The following ERI3 variants were observed in gnomAD, a reference collection of about 807,000 sequenced individuals.
ERI3 encodes ERI1 exoribonuclease 3.
In ERI3, 18 loss-of-function variants were observed where a neutral mutation model predicts 44.4. The ratio of observed to expected loss-of-function variants is 0.41; its 90% CI spans 0.28 to 0.60. ERI3 has a LOEUF of 0.60. Ranked by LOEUF, ERI3 falls within the 20% of genes least tolerant of loss-of-function variation. ERI3 has a pLI of 0.36. For synonymous variants in ERI3, 183 were observed against 164.8 expected, an observed-to-expected ratio of 1.11 and a Z score of -0.84; for missense variants, 294 against 435.5, an observed-to-expected ratio of 0.68 and a Z score of 2.89.
chr1:44,310,963 G>GCGCGCGCGCGCACA (rs1373873768), intron 5 of ERI3, among the ~76,000 whole-genome samples: 6 of 123,200 alleles, frequency 4.9e-5, no homozygotes, highest in East Asian at 2.6e-4. Flanking sequence ...GCGCGCGCGC[G>GCGCGCGCGCGCACA]CACACACACA....
chr1:44,228,797 T>G lies in ERI3; in HGVS notation c.932-7157A>C, dbSNP rs1644108376. ...CATAGCATCAAACCCCTTATGTCGC[T>G]TGCAGTGCATTTGGCCACCAGGAAC... is the stretch of plus-strand genomic sequence containing the variant. On this transcript the variant is annotated intron_variant, in intron 8 of 8. Coordinates refer to ENST00000372257, the MANE Select transcript of ERI3 (RefSeq NM_024066.3). The surrounding 1 kb of genome is among the most constrained non-coding windows in gnomAD (Gnocchi z 4.3). Among the ~76,000 whole-genome samples, 1 of 152,174 alleles carries G rather than the reference T, an allele frequency of 6.6e-6. No homozygotes were observed. The highest frequency in any genetic ancestry group is 2.4e-5 in the African/African-American group (1 of 41,442).
At chr1:44,280,781 C>G (rs75585679) in intron 7 of ERI3, among the ~76,000 whole-genome samples, 77 of 152,328 alleles carry the variant, frequency 5.1e-4, no homozygotes, top group Non-Finnish European at 1.0e-3. Flanking sequence ...TTAACAGCTT[C>G]CTCTTACCCT....
intron 5 of ERI3, among the ~76,000 whole-genome samples, chr1:44,310,215 C>T (rs1281214505): frequency 6.6e-6 from 1 of 152,132 alleles, no homozygotes; most frequent in Non-Finnish European, 1.5e-5. Flanking sequence ...GCTAGCCCTA[C>T]CTTTCACAGG....
At chr1:44,227,690 A>C (rs1169918265) in intron 8 of ERI3, among the ~76,000 whole-genome samples, 1 of 152,136 alleles carries the variant, frequency 6.6e-6, no homozygotes, top group East Asian at 1.9e-4. Context: ...TTTAGCATCA[A>C]ATGTTAGCTT....
At chr1:44,244,648 C>A (rs1644515633) in intron 8 of ERI3, among the ~76,000 whole-genome samples, 1 of 152,084 alleles carries the variant, frequency 6.6e-6, no homozygotes, top group African/African-American at 2.4e-5. Context: ...CTTCAGCCTC[C>A]TTGTCTGCAG....
At chr1:44,336,855 A>G (rs561049664) in intron 3 of ERI3, among the ~76,000 whole-genome samples, 2 of 152,332 alleles carry the variant, frequency 1.3e-5, no homozygotes, top group South Asian at 2.1e-4. Flanking sequence ...ATCAGGGTTC[A>G]TTGATTCTGG....
rs200389542 is a variant in ERI3 at position 44,259,920 on chromosome 1, T to TAGACAGAC, written c.832-11890_832-11883dup. Among the ~76,000 whole-genome samples the TAGACAGAC allele has an allele frequency of 9.3e-3, 1,206 of 129,676 alleles. 16 individuals carry two copies. The highest frequency in any genetic ancestry group is 0.023 in the African/African-American group (783 of 34,424). 85.1% of individuals were successfully genotyped at this position (129,676 alleles called of 152,430 possible). A position where few individuals can be genotyped will look rare whatever the true frequency, so the allele number is the denominator to read the frequency against. ...ATAGATAGATAGATAGATAGATAGA[T>TAGACAGAC]AGACAGACAGACAGACAGACAGACA... On this transcript the variant is annotated intron_variant, in intron 7 of 8. Coordinates refer to ENST00000372257, the MANE Select transcript of ERI3 (RefSeq NM_024066.3).
chr1:44,274,398 A>G (rs1357637895), intron 7 of ERI3, among the ~76,000 whole-genome samples: 1 of 152,216 alleles, frequency 6.6e-6, no homozygotes, highest in Non-Finnish European at 1.5e-5. Flanking sequence ...AAAGGACATA[A>G]TATTTTTTCC....
intron 3 of ERI3, among the ~76,000 whole-genome samples, chr1:44,332,118 G>T (rs1376430958): frequency 1.3e-5 from 2 of 152,178 alleles, no homozygotes; most frequent in Non-Finnish European, 2.9e-5. Flanking sequence ...TTGCCTCTAA[G>T]GTGGTTATAA....
intron 3 of ERI3, among the ~76,000 whole-genome samples, chr1:44,329,662 C>A (rs1452797007): frequency 6.6e-6 from 1 of 152,182 alleles, no homozygotes; most frequent in East Asian, 1.9e-4. Context: ...ACCTAACCAT[C>A]ACTACCTACC....
chr1:44,236,720 G>A (rs1300370260), intron 8 of ERI3, among the ~76,000 whole-genome samples: 1 of 152,106 alleles, frequency 6.6e-6, no homozygotes. Flanking sequence ...GAGGACAGAG[G>A]CTGTGAGTCT....
intron 7 of ERI3, among the ~76,000 whole-genome samples, chr1:44,254,278 A>G (rs984816877): frequency 6.6e-6 from 1 of 152,072 alleles, no homozygotes; most frequent in Non-Finnish European, 1.5e-5. Context: ...GAGCCTTGTT[A>G]TCACCCAGAA....
Position 44,308,577 on chromosome 1 carries a change from T to C in ERI3, c.667-176A>G, listed in dbSNP as rs990740072. On this transcript the variant is annotated intron_variant, in intron 5 of 8. Transcript: ENST00000372257. ...GCTTGGCTCAGAACCACGGAGGCAT[T>C]TGGAAGACAAACCCTTAGGAAGATC... Among the ~76,000 whole-genome samples the C allele has an allele frequency of 3.9e-5, 6 of 152,234 alleles. No homozygotes were observed. The South Asian group carries it at 8.3e-4, about 21-fold the overall frequency.
At chr1:44,226,816 AACTAT>A (rs1557764569) in intron 8 of ERI3, among the ~76,000 whole-genome samples, 20 of 87,404 alleles carry the variant, frequency 2.3e-4, no homozygotes, top group Non-Finnish European at 3.6e-4. Flanking sequence ...CACACACACA[AACTAT>A]CCTATGTTTT....
chr1:44,276,222 G>T (rs1013411280), intron 7 of ERI3, among the ~76,000 whole-genome samples: 2 of 152,178 alleles, frequency 1.3e-5, no homozygotes, highest in African/African-American at 4.8e-5. Context: ...GAACATTAGG[G>T]ATCAAATTTC....
chr1:44,268,327 T>G (rs1250733469), intron 7 of ERI3, among the ~76,000 whole-genome samples: 1 of 152,048 alleles, frequency 6.6e-6, no homozygotes, highest in Non-Finnish European at 1.5e-5. Flanking sequence ...AGCACAGGAC[T>G]CTTGCTACCT....
chr1:44,335,567 C>A (rs1324389145), intron 3 of ERI3, among the ~76,000 whole-genome samples: 1 of 151,898 alleles, frequency 6.6e-6, no homozygotes, highest in African/African-American at 2.4e-5. Flanking sequence ...CAAGACCAGC[C>A]TGACCAACAT....
chr1:44,269,220 G>T (rs60413302), intron 7 of ERI3, among the ~76,000 whole-genome samples: 1 of 152,146 alleles, frequency 6.6e-6, no homozygotes, highest in Non-Finnish European at 1.5e-5. Context: ...AAGAGGCCAA[G>T]AGACCACAAG....
At chr1:44,309,573 C>T (rs1645910059) in intron 5 of ERI3, among the ~76,000 whole-genome samples, 1 of 151,960 alleles carries the variant, frequency 6.6e-6, no homozygotes, top group African/African-American at 2.4e-5. Flanking sequence ...GAGGGAGTCA[C>T]ACCACTGCTT....
Sources: gnomAD v4.1 joint callset for allele counts (sites outside exome capture counted in the v4.1 genomes callset) on GRCh38, gnomAD v4.1.1 for gene constraint, Gnocchi (gnomAD v3.1) non-coding constraint, MANE v1.5 for transcripts, NCBI Gene and HGNC (gene_info 2026-07-23, HGNC 2026-07-21) for gene names.